Variants in PRIMA1 observed in about 807,000 individuals in gnomAD.
The protein encoded by PRIMA1 is proline rich membrane anchor 1, also known as proline-rich membrane anchor 1.
A neutral mutation model predicts 17.5 loss-of-function variants in PRIMA1; 7 were observed. The observed-to-expected ratio is 0.40, with a 90% confidence interval of 0.23 to 0.75. PRIMA1 has a LOEUF of 0.75. Ranked by LOEUF, PRIMA1 falls within the 30% of genes least tolerant of loss-of-function variation. The pLI, the probability that PRIMA1 is intolerant of heterozygous loss-of-function variation, is 0.37. For synonymous variants in PRIMA1, 97 were observed against 77.9 expected (o/e 1.25, Z -1.29); for missense variants, 200 against 201.8 (o/e 0.99, Z 0.05).
intron 3 of PRIMA1, among the ~76,000 whole-genome samples, chr14:93,755,878 G>A (rs1386997148): frequency 6.6e-6 from 1 of 152,062 alleles, no homozygotes; most frequent in African/African-American, 2.4e-5. Context: ...TGCCTGGCGA[G>A]GTGAGGAAGG....
chr14:93,743,863 A>G (rs1407680849), intron 3 of PRIMA1, among the ~76,000 whole-genome samples: 1 of 152,150 alleles, frequency 6.6e-6, no homozygotes, highest in African/African-American at 2.4e-5. Flanking sequence ...CCAGAATGTC[A>G]CGGAAAAGTG....
chr14:93,743,878 T>A (rs576880808), intron 3 of PRIMA1, among the ~76,000 whole-genome samples: 2 of 152,180 alleles, frequency 1.3e-5, no homozygotes, highest in Admixed American at 6.5e-5. Context: ...AAAGTGCAAA[T>A]GCACGGGACT....
intron 3 of PRIMA1, among the ~76,000 whole-genome samples, chr14:93,754,862 C>T (rs2076281357): frequency 6.6e-6 from 1 of 152,136 alleles, no homozygotes. Context: ...GAGGTGAGGG[C>T]TGCGTCATAC....
chr14:93,759,521 G>A (rs1304633598), intron 3 of PRIMA1, among the ~76,000 whole-genome samples: 2 of 152,116 alleles, frequency 1.3e-5, no homozygotes, highest in Admixed American at 1.3e-4. Context: ...GTGTGTGTGC[G>A]TGTGTGTGCA....
intron 3 of PRIMA1, among the ~76,000 whole-genome samples, chr14:93,742,341 G>A (rs1443310162): frequency 4.6e-5 from 7 of 152,230 alleles, no homozygotes; most frequent in African/African-American, 1.4e-4. Context: ...ATTCAGCTGA[G>A]AGTCCAGAGA....
chr14:93,734,761 CT>C (rs766129610), intron 4 of PRIMA1, among the ~76,000 whole-genome samples: 1 of 124,374 alleles, frequency 8.0e-6, no homozygotes, highest in African/African-American at 2.8e-5. Context: ...GCCCCTGCCC[CT>C]GGAAGAAGCC....
At chr14:93,749,807 C>G (rs2076248992) in intron 3 of PRIMA1, among the ~76,000 whole-genome samples, 1 of 152,150 alleles carries the variant, frequency 6.6e-6, no homozygotes, top group Non-Finnish European at 1.5e-5. Flanking sequence ...CTTTGGGAGG[C>G]CAAGGCAGGA....
chr14:93,746,464 G>C (rs73338004), intron 3 of PRIMA1, among the ~76,000 whole-genome samples: 1 of 151,912 alleles, frequency 6.6e-6, no homozygotes, highest in Admixed American at 6.6e-5. Context: ...GTGCAGGCCC[G>C]GAGGTGAGTG....
rs746669632 is a variant in PRIMA1 at position 93,726,024 on chromosome 14, GGTTA to G, written c.360-4482_360-4479del. ...CATGGTTCCTAGAAACCAAGAGAGA[GGTTA>G]GTGAGACTTTCCTTGGCGGCACCCA... is the stretch of plus-strand genomic sequence containing the variant. On this transcript the variant is annotated intron_variant, in intron 4 of 4. Transcript: ENST00000393140. The surrounding 1 kb of genome is among the most constrained non-coding windows in gnomAD (Gnocchi z 4.2). 4.4e-6 allele frequency: 2 copies of G among 456,606 alleles called. No individual in the cohort carries two copies. Among genetic ancestry groups the G allele is most frequent in the Non-Finnish European group, 8.8e-6 (2 of 226,914 alleles). The allele number at this position is 456,606 out of a possible 1,614,324, so 28.3% of individuals were successfully genotyped here. A position where few individuals can be genotyped will look rare whatever the true frequency, so the allele number is the denominator to read the frequency against.
chr14:93,754,031 T>C (rs1002875516), intron 3 of PRIMA1, among the ~76,000 whole-genome samples: 1 of 152,246 alleles, frequency 6.6e-6, no homozygotes, highest in African/African-American at 2.4e-5. Flanking sequence ...ACTTGCCATC[T>C]GCTGGCAAAT....
intron 3 of PRIMA1, among the ~76,000 whole-genome samples, chr14:93,738,141 G>A (rs1221155540): frequency 6.6e-6 from 1 of 152,192 alleles, no homozygotes; most frequent in Non-Finnish European, 1.5e-5. Context: ...AAGTGTCACT[G>A]ACAAGGCACC....
rs116161581 is a variant in PRIMA1 at position 93,724,129 on chromosome 14, C to G, written c.360-2583G>C. Among the ~76,000 whole-genome samples the G allele has an allele frequency of 4.1e-3, 617 of 152,256 alleles. 5 individuals are homozygous for G. Among genetic ancestry groups the G allele is most frequent in the African/African-American group, 0.014 (584 of 41,542 alleles). On this transcript the variant is annotated intron_variant, in intron 4 of 4. Coordinates refer to ENST00000393140, the MANE Select transcript of PRIMA1 (RefSeq NM_178013.4). ...TGAACTCCTGGCCTCAAGTGATCCT[C>G]CCGTCTCGGCCTCCCAAAGTGCCAG...
In PRIMA1 at chr14:93,783,279, T is replaced by C. The variant is rs187415355; in HGVS notation, c.94-3968A>G. 4.6e-5 allele frequency among the ~76,000 whole-genome samples: 7 copies of C among 152,260 alleles called. No homozygotes were observed. In the East Asian group the frequency reaches 9.6e-4, roughly 21 times the overall value. The stretch of plus-strand genomic sequence containing the variant: ...TCGCCCTGGGCATAACCGGGAGAGA[T>C]AGGTGATATTATCCACTCTTAACAG... On this transcript the variant is annotated intron_variant, in intron 2 of 4. Transcript: ENST00000393140.
intron 2 of PRIMA1, among the ~76,000 whole-genome samples, chr14:93,783,228 G>A (rs1305864779): frequency 1.3e-5 from 2 of 152,214 alleles, no homozygotes; most frequent in Non-Finnish European, 2.9e-5. Flanking sequence ...CCTACTATGT[G>A]TCCATCATGG....
At chr14:93,752,608 C>A (rs1016014300) in intron 3 of PRIMA1, among the ~76,000 whole-genome samples, 1 of 152,238 alleles carries the variant, frequency 6.6e-6, no homozygotes, top group Non-Finnish European at 1.5e-5. Context: ...CCCAGGCCCA[C>A]GAGAACTCCA....
In PRIMA1 at chr14:93,780,700, G is replaced by T. The variant is rs1429655083; in HGVS notation, c.94-1389C>A. On this transcript the variant is annotated intron_variant, in intron 2 of 4. Coordinates refer to ENST00000393140, the MANE Select transcript of PRIMA1 (RefSeq NM_178013.4). ...TGGGGATTTTGCTTATGCTTTCCAG[G>T]TTAAACTTCTTATGCAGAGCCAGCA... Among the ~76,000 whole-genome samples, 3 of 152,292 alleles carry T rather than the reference G, an allele frequency of 2.0e-5. No individual in the cohort carries two copies. The South Asian group carries it at 6.2e-4, about 32-fold the overall frequency.
intron 3 of PRIMA1, among the ~76,000 whole-genome samples, chr14:93,776,875 TAGAG>T (rs1173763899): frequency 2.0e-5 from 3 of 152,240 alleles, no homozygotes; most frequent in South Asian, 2.1e-4. Flanking sequence ...TTTTAACAAA[TAGAG>T]AGAAAGTCTC....
chr14:93,756,478 C>T (rs1394325093), intron 3 of PRIMA1, among the ~76,000 whole-genome samples: 2 of 152,156 alleles, frequency 1.3e-5, no homozygotes, highest in African/African-American at 2.4e-5. Context: ...CTGGCTTGCC[C>T]GGGCGTCTTA....
In PRIMA1 at chr14:93,718,779, A is replaced by G. The variant is rs2076019340; in HGVS notation, c.*2665T>C. Reference sequence around the variant, plus strand: ...ACACCTGAAACCTCTGGGAGATCCTATGATCTGAGTTCCAAAGTTGGGGTC... The same window carrying G: ...ACACCTGAAACCTCTGGGAGATCCTGTGATCTGAGTTCCAAAGTTGGGGTC... On this transcript the variant is annotated 3_prime_UTR_variant, in exon 5 of 5. Transcript: ENST00000393140. The G allele has an allele frequency of 6.6e-6, 1 of 152,562 alleles. No homozygotes were observed. Among genetic ancestry groups the G allele is most frequent in the South Asian group, 2.1e-4 (1 of 4,820 alleles). The allele number at this position is 152,562 out of a possible 1,614,324, so 9.5% of individuals were successfully genotyped here.
Sources: gnomAD v4.1 joint callset for allele counts (sites outside exome capture counted in the v4.1 genomes callset) on GRCh38, gnomAD v4.1.1 for gene constraint, Gnocchi (gnomAD v3.1) non-coding constraint, MANE v1.5 for transcripts, NCBI Gene and HGNC (gene_info 2026-07-23, HGNC 2026-07-21) for gene names.